The following MGAT5B variants were observed in gnomAD, a reference collection of about 807,000 sequenced individuals.
The protein encoded by MGAT5B is N-acetylglucosaminyl-transferase Vb.
Under a neutral mutation model 95.1 loss-of-function variants are expected in MGAT5B, and 54 were observed. The ratio of observed to expected loss-of-function variants is 0.57; its 90% CI spans 0.46 to 0.71. MGAT5B has a LOEUF of 0.71. Ranked by LOEUF, MGAT5B falls within the 30% of genes least tolerant of loss-of-function variation. The pLI is 0.00. For missense variants in MGAT5B, 935 were observed against 1,088.6 expected (o/e 0.86, Z 1.99); for synonymous variants, 464 against 451.0 (o/e 1.03, Z -0.36).
chr17:76,949,047 G>A lies in MGAT5B; in HGVS notation c.*209G>A, dbSNP rs930069050. The A allele has an allele frequency of 1.1e-5, 7 of 618,156 alleles. No individual in the cohort carries two copies. The South Asian group carries it at 1.4e-4, about 12-fold the overall frequency. The allele number at this position is 618,156 out of a possible 1,614,324, so 38.3% of individuals were successfully genotyped here. ...CGAGCCCCTGGGACCTCCCAGGCAG[G>A]CTCCGGTTCTCTCCTGGGGACTCAC... is the stretch of plus-strand genomic sequence containing the variant. On this transcript the variant is annotated 3_prime_UTR_variant, in exon 18 of 18. Coordinates refer to ENST00000569840, the MANE Select transcript of MGAT5B (RefSeq NM_001199172.2).
At chr17:76,901,283 G>A (rs550089825) in intron 3 of MGAT5B, among the ~76,000 whole-genome samples, 54 of 152,006 alleles carry the variant, frequency 3.6e-4, no homozygotes, top group African/African-American at 1.2e-3. Context: ...ATCCTTCATC[G>A]AATTCCCATT....
Position 76,948,823 on chromosome 17 carries a change from C to T in MGAT5B, c.2364C>T (p.Cys788=). 1 of 1,600,172 alleles carries T rather than the reference C, an allele frequency of 6.2e-7. No homozygotes were observed. Among genetic ancestry groups the T allele is most frequent in the Non-Finnish European group, 8.5e-7 (1 of 1,174,458 alleles). ...RDFRKGQVAL[C]QGCL ...TCCGCAAGGGCCAGGTGGCCTTGTG[C>T]CAGGGCTGTCTGTGAATCCGCCTCT... The change falls in exon 18 of 18, where the codon TGC becomes TGT. Residue 788 remains cysteine, a synonymous_variant. Transcript: ENST00000569840.
At chr17:76,901,835 T>C (rs1163935588) in intron 3 of MGAT5B, among the ~76,000 whole-genome samples, 1 of 152,270 alleles carries the variant, frequency 6.6e-6, no homozygotes, top group Non-Finnish European at 1.5e-5. Context: ...CTGTCACCTG[T>C]GTGACCCCTG....
chr17:76,887,131 C>T (rs1967662900), intron 3 of MGAT5B, among the ~76,000 whole-genome samples: 1 of 152,198 alleles, frequency 6.6e-6, no homozygotes, highest in Non-Finnish European at 1.5e-5. Context: ...TGCTGCTGCT[C>T]TCAGAATAGG....
In MGAT5B at chr17:76,868,809, G is replaced by A; in HGVS notation, c.-221G>A. 1 of 303,714 alleles carries A rather than the reference G, an allele frequency of 3.3e-6. No homozygotes were observed. The highest frequency in any genetic ancestry group is 6.0e-6 in the Non-Finnish European group (1 of 166,654). 18.8% of individuals were successfully genotyped at this position (303,714 alleles called of 1,614,324 possible). A position where few individuals can be genotyped will look rare whatever the true frequency, so the allele number is the denominator to read the frequency against. On this transcript the variant is annotated 5_prime_UTR_variant, in exon 1 of 18. Coordinates refer to ENST00000569840, the MANE Select transcript of MGAT5B (RefSeq NM_001199172.2). This position sits in a 1 kb window ranked among gnomAD's most constrained non-coding sequence, Gnocchi z 6.3. ...GAAGCGGGGAGGGCGGAGACGCAGA[G>A]ACGGCCCGGCCGGGCGCCCTCGCCG...
At chr17:76,872,479 C>T (rs1027660306) in intron 1 of MGAT5B, among the ~76,000 whole-genome samples, 18 of 152,182 alleles carry the variant, frequency 1.2e-4, no homozygotes, top group African/African-American at 3.1e-4. Context: ...GGTCTGGGCC[C>T]GGCATTGGCA....
At position 76,914,108 on chromosome 17, in the gene MGAT5B, AG is replaced by A. The variant is rs1567810554; in HGVS notation, c.1025+7922del. 2.1e-4 allele frequency: 36 copies of A among 173,044 alleles called. 1 individual carries two copies. The highest frequency in any genetic ancestry group is 9.2e-4 in the South Asian group (7 of 7,618). The allele number at this position is 173,044 out of a possible 1,614,324, so 10.7% of individuals were successfully genotyped here. ...AAAGCAAGACTGTCTCAAAAAAAAA[AG>A]AGAAGAAGAAGAAGAAAGAAAGAAG... On this transcript the variant is annotated intron_variant, in intron 8 of 17. Coordinates refer to ENST00000569840, the MANE Select transcript of MGAT5B (RefSeq NM_001199172.2). The surrounding 1 kb of genome is among the most constrained non-coding windows in gnomAD (Gnocchi z 5.1).
intron 1 of MGAT5B, chr17:76,872,582 A>C: frequency 7.5e-7 from 1 of 1,340,750 alleles, no homozygotes; most frequent in Non-Finnish European, 9.9e-7. Context: ...CCTGGAGGCT[A>C]GAGCCCGCCT....
At position 76,916,668 on chromosome 17, in the gene MGAT5B, C is replaced by T. The variant is rs116333680; in HGVS notation, c.1026-8298C>T. Among the ~76,000 whole-genome samples the T allele has an allele frequency of 1.7e-3, 253 of 152,308 alleles. No homozygotes were observed. Among genetic ancestry groups the T allele is most frequent in the African/African-American group, 5.8e-3 (242 of 41,566 alleles). ...AGAAAGAAATGAGGAGAAGGGCTGG[C>T]TTCTGGATGCTCCTGACGGAGGCAG... On this transcript the variant is annotated intron_variant, in intron 8 of 17. Coordinates refer to ENST00000569840, the MANE Select transcript of MGAT5B (RefSeq NM_001199172.2). The surrounding 1 kb of genome is among the most constrained non-coding windows in gnomAD (Gnocchi z 5.3).
At position 76,903,290 on chromosome 17, in the gene MGAT5B, C is replaced by T. The variant is rs1049724631; in HGVS notation, c.446-13C>T. ...TGGACCAGGGACTTCAGCAAGGTGA[C>T]CTCTCCCTACAGTGTCAGAAGGCCG... On this transcript the variant is annotated splice_polypyrimidine_tract_variant and intron_variant, in intron 4 of 17. Coordinates refer to ENST00000569840, the MANE Select transcript of MGAT5B (RefSeq NM_001199172.2). The T allele has an allele frequency of 6.2e-7, 1 of 1,605,208 alleles. No homozygotes were observed. The highest frequency in any genetic ancestry group is 1.1e-5 in the South Asian group (1 of 89,588).
At position 76,947,812 on chromosome 17, in the gene MGAT5B, C is replaced by A. The variant is rs368811979; in HGVS notation, c.1924-18C>A. 199 of 1,529,978 alleles carry A rather than the reference C, an allele frequency of 1.3e-4. No individual in the cohort carries two copies. In the Middle Eastern group the frequency reaches 1.8e-3, roughly 14 times the overall value. 94.8% of individuals were successfully genotyped at this position (1,529,978 alleles called of 1,614,324 possible). A position where few individuals can be genotyped will look rare whatever the true frequency, so the allele number is the denominator to read the frequency against. On this transcript the variant is annotated intron_variant, in intron 16 of 17. Transcript: ENST00000569840. ...TGGGTCGCACTTCCCCACCCTGACA[C>A]TGCTCTCCTCCTTGCAGGACTTCTG...
At chr17:76,901,524 A>G (rs1968315676) in intron 3 of MGAT5B, among the ~76,000 whole-genome samples, 1 of 152,214 alleles carries the variant, frequency 6.6e-6, no homozygotes, top group Non-Finnish European at 1.5e-5. Context: ...TAAATACTGC[A>G]TATGACGGCT....
In MGAT5B at chr17:76,882,198, C is replaced by G. The variant is rs1184294981; in HGVS notation, c.229C>G (p.Leu77Val). The change falls in exon 3 of 18, where the codon CTG (leucine) becomes GTG (valine). Residue 77 changes from leucine to valine, a missense_variant. Coordinates refer to ENST00000569840, the MANE Select transcript of MGAT5B (RefSeq NM_001199172.2). The part of the protein sequence containing the change: ...SRGVLRKMSD[L>V]LELMVKRMDA... Reference sequence around the variant, plus strand: ...CGGCGTCCTGCGCAAGATGAGCGACCTGCTGGAGCTGATGGTGAAGCGCAT... The same window carrying G: ...CGGCGTCCTGCGCAAGATGAGCGACGTGCTGGAGCTGATGGTGAAGCGCAT... 1 of 1,613,536 alleles carries G rather than the reference C, an allele frequency of 6.2e-7. No homozygotes were observed.
chr17:76,878,199 G>A (rs912029251), intron 2 of MGAT5B, among the ~76,000 whole-genome samples: 4 of 152,114 alleles, frequency 2.6e-5, no homozygotes, highest in African/African-American at 9.7e-5. Flanking sequence ...CCCACCCCCT[G>A]CCTAGTCTTT....
chr17:76,892,120 C>T (rs2145159530), intron 3 of MGAT5B, among the ~76,000 whole-genome samples: 1 of 152,224 alleles, frequency 6.6e-6, no homozygotes, highest in African/African-American at 2.4e-5. Context: ...GATCACGGCT[C>T]ACTGAAGATC....
At position 76,946,366 on chromosome 17, in the gene MGAT5B, C is replaced by T. The variant is rs1193877891; in HGVS notation, c.1849-10C>T. 1.2e-6 allele frequency: 2 copies of T among 1,604,562 alleles called. No individual in the cohort carries two copies. Among genetic ancestry groups the T allele is most frequent in the Non-Finnish European group, 1.7e-6 (2 of 1,174,990 alleles). ...CTCCCGCCCCATGTGTCTGCCCATC[C>T]CTCCCACAGGTAGACCCCTACCTAC... is the stretch of plus-strand genomic sequence containing the variant. On this transcript the variant is annotated splice_polypyrimidine_tract_variant and intron_variant, in intron 15 of 17. Transcript: ENST00000569840.
At chr17:76,883,323 T>G (rs1223640518) in intron 3 of MGAT5B, among the ~76,000 whole-genome samples, 1 of 152,166 alleles carries the variant, frequency 6.6e-6, no homozygotes, top group East Asian at 1.9e-4. Context: ...TCATGATGAT[T>G]TTGAACTCTG....
rs556313802 is a variant in MGAT5B at position 76,947,961 on chromosome 17, C to G, written c.2055C>G (p.Pro685=). The G allele has an allele frequency of 6.2e-7, 1 of 1,612,278 alleles. No individual in the cohort carries two copies. The highest frequency in any genetic ancestry group is 8.5e-7 in the Non-Finnish European group (1 of 1,179,182). Residue 685 remains proline (P), a synonymous_variant, in exon 17 of 18, where the codon CCC becomes CCG. Transcript: ENST00000569840. ...GCTTGGCTCCTGGGGCCTGGCCCCCCGCGCACGCCCTGCGGGCCTGGCTGG... is the reference window on the plus strand; with the variant it reads ...GCTTGGCTCCTGGGGCCTGGCCCCCGGCGCACGCCCTGCGGGCCTGGCTGG... The part of the protein sequence containing the change: ...NTSLAPGAWP[P]AHALRAWLAV...
intron 3 of MGAT5B, among the ~76,000 whole-genome samples, chr17:76,892,733 T>C (rs1217478915): frequency 6.6e-6 from 1 of 152,194 alleles, no homozygotes; most frequent in African/African-American, 2.4e-5. Context: ...CAGCGCCTGC[T>C]CTCCCAGCAA....
Sources: allele counts gnomAD v4.1 joint callset (sites outside exome capture counted in the v4.1 genomes callset), GRCh38; gene constraint gnomAD v4.1.1; non-coding constraint Gnocchi (gnomAD v3.1); transcripts MANE v1.5; gene names NCBI Gene and HGNC (gene_info 2026-07-23, HGNC 2026-07-21).